The following DNAH11 variants were observed in gnomAD, a reference collection of about 807,000 sequenced individuals.
DNAH11 encodes axonemal beta dynein heavy chain 11.
Under a neutral mutation model 526.0 loss-of-function variants are expected in DNAH11, and 442 were observed. The observed-to-expected ratio is 0.84, with a 90% CI of 0.78 to 0.91. The LOEUF is 0.91. DNAH11 is among the 40% of genes least tolerant of loss of function. The pLI is 0.00. For synonymous variants in DNAH11, 2,461 were observed against 1,935.9 expected (o/e 1.27, Z -7.12); for missense variants, 6,989 against 5,448.7 (o/e 1.28, Z -8.90).
intron 63 of DNAH11, 123 bp downstream of exon 63, chr7:21,808,172 G>T: frequency 1.4e-6 from 1 of 698,258 alleles, no homozygotes; most frequent in Non-Finnish European, 2.1e-6. Context: ...GAAATTCCAT[G>T]GTGAAATTGT....
chr7:21,691,178 CTTTTTTTT>C (rs559356874), intron 35 of DNAH11, among the ~76,000 whole-genome samples: 14 of 67,212 alleles, frequency 2.1e-4, no homozygotes, highest in South Asian at 1.8e-3. Context: ...TTTTTTTTTT[CTTTTTTTT>C]TTTTTAACAG....
chr7:21,614,994 T>A (rs1785697675), intron 20 of DNAH11, 120 bp from the exon 21 acceptor site: 3 of 1,198,058 alleles, frequency 2.5e-6, no homozygotes, highest in South Asian at 1.6e-5. Context: ...CGCTGCAGAT[T>A]TATTTTTATT....
chr7:21,568,606 A>G (rs1338154335), intron 6 of DNAH11, among the ~76,000 whole-genome samples: 1 of 152,174 alleles, frequency 6.6e-6, no homozygotes, highest in Non-Finnish European at 1.5e-5. Flanking sequence ...GGCCTTACTC[A>G]ACAGTGGGCT....
At chr7:21,803,943 T>C (rs1319448665) in intron 62 of DNAH11, among the ~76,000 whole-genome samples, 1 of 152,198 alleles carries the variant, frequency 6.6e-6, no homozygotes, top group African/African-American at 2.4e-5. Context: ...GCTGTCATCA[T>C]TGGCTTAGCA....
rs531107555 is a variant in DNAH11, at chr7:21,589,341, A to G, written c.2107A>G (p.Asn703Asp). The G allele has an allele frequency of 6.2e-7, 1 of 1,610,256 alleles. No individual in the cohort carries two copies. Among genetic ancestry groups the G allele is most frequent in the Admixed American group, 1.7e-5 (1 of 59,272 alleles). Residue 703 changes from asparagine (N) to aspartate (D), a missense_variant, in exon 12 of 82, where the codon AAT (asparagine) becomes GAT (aspartate). Asn to Asp is a conservative substitution (Grantham distance 23, BLOSUM62 1). Transcript: ENST00000409508. ...NVDEICEFNL[N>D]QPLVKFSAIN... is the part of the protein sequence containing the mutation. ...GGATGAAATCTGTGAATTCAATTTG[A>G]ATCAACCCTTGGTTAAATTCAGTGC...
chr7:21,801,899 T>A (rs1048317045), intron 62 of DNAH11, among the ~76,000 whole-genome samples: 1 of 152,238 alleles, frequency 6.6e-6, no homozygotes, highest in Non-Finnish European at 1.5e-5. Flanking sequence ...TTTTTATAAT[T>A]CTTATTGACA....
intron 42 of DNAH11, among the ~76,000 whole-genome samples, chr7:21,714,147 A>G (rs1040503369): frequency 5.3e-5 from 8 of 152,230 alleles, no homozygotes; most frequent in Admixed American, 4.6e-4. Context: ...AGCTTGGTCC[A>G]AATCCCTAAA....
intron 54 of DNAH11, among the ~76,000 whole-genome samples, chr7:21,751,903 T>C (rs1395387487): frequency 6.6e-6 from 1 of 152,246 alleles, no homozygotes; most frequent in Admixed American, 6.5e-5. Context: ...TAGGATCAAA[T>C]TTTCTTTATA....
At chr7:21,760,919 A>G (rs953439711) in intron 54 of DNAH11, among the ~76,000 whole-genome samples, 1 of 152,238 alleles carries the variant, frequency 6.6e-6, no homozygotes, top group Non-Finnish European at 1.5e-5. Flanking sequence ...ATTATAGACA[A>G]TATAACACCC....
At chr7:21,546,151 T>C (rs1341322031) in intron 2 of DNAH11, among the ~76,000 whole-genome samples, 1 of 152,224 alleles carries the variant, frequency 6.6e-6, no homozygotes, top group Non-Finnish European at 1.5e-5. Context: ...GACATATTTA[T>C]TGCTAGTTAT....
At chr7:21,555,965 T>C (rs1783203669) in intron 2 of DNAH11, among the ~76,000 whole-genome samples, 1 of 152,186 alleles carries the variant, frequency 6.6e-6, no homozygotes, top group Non-Finnish European at 1.5e-5. Context: ...AGCAAGACTT[T>C]TAATGGCGGT....
At position 21,786,778 on chromosome 7, in the gene DNAH11, A is replaced by G. The variant is rs773442681; in HGVS notation, c.9741+11A>G. The G allele has an allele frequency of 6.2e-7, 1 of 1,613,434 alleles. No homozygotes were observed. The highest frequency in any genetic ancestry group is 1.1e-5 in the South Asian group (1 of 90,994). On this transcript the variant is annotated intron_variant, in intron 59 of 81. Transcript: ENST00000409508. ...GTCTTCATGGGAAAGGTATCAGCCC[A>G]GCCTGGCAAGATGAAAATCCTGATA...
At chr7:21,561,368 T>C (rs1260214049) in intron 5 of DNAH11, 198 bp downstream of exon 5, 4 of 444,224 alleles carry the variant, frequency 9.0e-6, no homozygotes, top group Non-Finnish European at 1.6e-5. Flanking sequence ...ATCTGGTATA[T>C]AGTAGTACCT....
chr7:21,750,189 T>A, intron 53 of DNAH11, 33 bp from the exon 54 acceptor site: 1 of 1,547,284 alleles, frequency 6.5e-7, no homozygotes, highest in Non-Finnish European at 8.7e-7. Flanking sequence ...ATTGCAATGA[T>A]CTTTTAGTAA....
chr7:21,657,807 A>G (rs1782081608), intron 29 of DNAH11, among the ~76,000 whole-genome samples: 1 of 152,138 alleles, frequency 6.6e-6, no homozygotes, highest in African/African-American at 2.4e-5. Context: ...TACTGAGGCC[A>G]TTTCCAGAGC....
At chr7:21,707,174 C>A (rs957704634) in intron 39 of DNAH11, among the ~76,000 whole-genome samples, 3 of 152,168 alleles carry the variant, frequency 2.0e-5, no homozygotes, top group African/African-American at 7.2e-5. Context: ...CTCTAGGTCT[C>A]AAAGCATGGC....
chr7:21,564,674 AAGAC>A (rs1783591156), intron 6 of DNAH11, among the ~76,000 whole-genome samples: 1 of 152,192 alleles, frequency 6.6e-6, no homozygotes, highest in Non-Finnish European at 1.5e-5. Flanking sequence ...CTTCCAGCAA[AAGAC>A]AGACATGTGT....
chr7:21,659,170 G>A, intron 30 of DNAH11, 139 bp downstream of exon 30: 1 of 737,948 alleles, frequency 1.4e-6, no homozygotes, highest in Non-Finnish European at 2.2e-6. Flanking sequence ...GCAATCAGTT[G>A]TTAAATCATT....
At chr7:21,550,615 A>G (rs1484265398) in intron 2 of DNAH11, among the ~76,000 whole-genome samples, 2 of 152,152 alleles carry the variant, frequency 1.3e-5, no homozygotes, top group African/African-American at 2.4e-5. Flanking sequence ...CATTCTTTCT[A>G]CCTTTCCAGA....
Sources: gnomAD v4.1 joint callset for allele counts (sites outside exome capture counted in the v4.1 genomes callset) on GRCh38, gnomAD v4.1.1 for gene constraint, MANE v1.5 for transcripts, NCBI Gene and HGNC (gene_info 2026-07-23, HGNC 2026-07-21) for gene names.